Variants in IYD observed in about 807,000 individuals in gnomAD.
IYD encodes the protein iodotyrosine deiodinase 1.
IYD carries 25 observed loss-of-function variants against 28.4 expected under a neutral mutation model. The observed-to-expected ratio is 0.88, with a 90% CI of 0.64 to 1.23. The LOEUF is 1.23. Among genes scored for constraint, IYD ranks in the 50% most tolerant of loss-of-function variants. IYD has a pLI of 0.00. For missense variants in IYD, 352 were observed against 357.9 expected, an observed-to-expected ratio of 0.98 and a Z score of 0.13; for synonymous variants, 140 against 130.8, an observed-to-expected ratio of 1.07 and a Z score of -0.48.
chr6:150,381,049 T>G (rs984468649), intron 1 of IYD, among the ~76,000 whole-genome samples: 2 of 152,210 alleles, frequency 1.3e-5, no homozygotes, highest in African/African-American at 4.8e-5. Flanking sequence ...GGTGAGGGGA[T>G]GTGAGCAACA....
At chr6:150,388,836 G>A (rs1284713925) in intron 1 of IYD, among the ~76,000 whole-genome samples, 3 of 151,246 alleles carry the variant, frequency 2.0e-5, no homozygotes, top group African/African-American at 7.3e-5. Context: ...CAAGTAGTTG[G>A]GATTACAGGT....
At chr6:150,385,583 T>C (rs1311652129) in intron 1 of IYD, among the ~76,000 whole-genome samples, 1 of 151,892 alleles carries the variant, frequency 6.6e-6, no homozygotes, top group Non-Finnish European at 1.5e-5. Context: ...TTTTTATAAA[T>C]TGCTGAATTC....
In IYD at chr6:150,392,363, C is replaced by T. The variant is rs1298509413; in HGVS notation, c.389C>T (p.Ala130Val). The T allele has an allele frequency of 6.2e-7, 1 of 1,613,552 alleles. No individual in the cohort carries two copies. Among genetic ancestry groups the T allele is most frequent in the Admixed American group, 1.7e-5 (1 of 60,024 alleles). The part of the protein sequence containing the change: ...IRTAGTAPSG[A>V]HTEPWTFVVV... The stretch of plus-strand genomic sequence containing the variant: ...GTGACAGGAACAGCCCCGAGTGGGG[C>T]TCACACAGAGCCCTGGACCTTCGTG... Residue 130 changes from alanine (A) to valine (V), a missense_variant, in exon 3 of 5, where the codon GCT (alanine) becomes GTT (valine). Coordinates refer to ENST00000344419, the MANE Select transcript of IYD (RefSeq NM_203395.3).
At chr6:150,396,536 G>A (rs1778318798) in intron 4 of IYD, 3 of 675,148 alleles carry the variant, frequency 4.4e-6, no homozygotes, top group Non-Finnish European at 5.3e-6. Context: ...AAAGGACCAA[G>A]ATATAAAATG....
rs1778551345 is a variant in IYD at position 150,402,910 on chromosome 6, A to AGCTGGGGGTG, written c.*4673_*4674insGCTGGGGGTG. 1 of 90,770 alleles carries AGCTGGGGGTG rather than the reference A, an allele frequency of 1.1e-5. No homozygotes were observed. The highest frequency in any genetic ancestry group is 2.2e-5 in the Non-Finnish European group (1 of 45,106). 5.6% of individuals were successfully genotyped at this position (90,770 alleles called of 1,614,324 possible). A position where few individuals can be genotyped will look rare whatever the true frequency, so the allele number is the denominator to read the frequency against. On this transcript the variant is annotated 3_prime_UTR_variant, in exon 5 of 5. Coordinates refer to ENST00000344419, the MANE Select transcript of IYD (RefSeq NM_203395.3). ...CACCCCATTTTAAGCCAAATTTACAAACTTACAAAGATGATCCACCAATAG... is the reference window on the plus strand; with the variant it reads ...CACCCCATTTTAAGCCAAATTTACAAGCTGGGGGTGACTTACAAAGATGATCCACCAATAG...
chr6:150,378,279 T>C (rs11962449), intron 1 of IYD, among the ~76,000 whole-genome samples: 9,579 of 140,608 alleles, frequency 0.068, 770 homozygotes, highest in East Asian at 0.21. Context: ...GCTGCACCCA[T>C]TAACTCGTCA....
At chr6:150,397,855 AGAAG>A (rs1383951524) in intron 4 of IYD, among the ~76,000 whole-genome samples, 196 bp from the exon 5 acceptor site, 1 of 145,120 alleles carries the variant, frequency 6.9e-6, no homozygotes, top group African/African-American at 2.5e-5. Context: ...CTTGGTTAAA[AGAAG>A]GGAGGGGGTG....
intron 4 of IYD, chr6:150,395,801 A>T: frequency 1.6e-6 from 1 of 623,018 alleles, no homozygotes; most frequent in Non-Finnish European, 2.9e-6. Context: ...TGATTGGAAA[A>T]GCTGGAGAGG....
rs138289572 is a variant in IYD at position 150,397,437 on chromosome 6, G to A, written c.688-618G>A. ...ATACAAAATATAGCCAGGCATGGTG[G>A]TGCATGCCTATAGTCTCAGCTACTT... On this transcript the variant is annotated intron_variant, in intron 4 of 4. Transcript: ENST00000344419. Among the ~76,000 whole-genome samples the A allele has an allele frequency of 2.9e-3, 442 of 152,108 alleles. 2 individuals carry two copies. The highest frequency in any genetic ancestry group is 0.01 in the African/African-American group (419 of 41,496).
intron 1 of IYD, among the ~76,000 whole-genome samples, chr6:150,379,328 G>A (rs894544348): frequency 3.3e-5 from 5 of 152,168 alleles, no homozygotes; most frequent in African/African-American, 1.2e-4. Context: ...AGCCAGCATC[G>A]TCCCCCAGTC....
In IYD at chr6:150,398,406, A is replaced by G; in HGVS notation, c.*169A>G. 1 of 621,066 alleles carries G rather than the reference A, an allele frequency of 1.6e-6. No homozygotes were observed. The highest frequency in any genetic ancestry group is 2.9e-6 in the Non-Finnish European group (1 of 350,480). The allele number at this position is 621,066 out of a possible 1,614,324, so 38.5% of individuals were successfully genotyped here. On this transcript the variant is annotated 3_prime_UTR_variant, in exon 5 of 5. Coordinates refer to ENST00000344419, the MANE Select transcript of IYD (RefSeq NM_203395.3). ...AAGAAGCCTCTCCACACTCTGTGGC[A>G]CTTCCAGTCCCATAAATCCTGTTTC...
chr6:150,401,230 A>G lies in IYD; in HGVS notation c.*2993A>G, dbSNP rs766477298. ...CCTAAAAATGCCCTCTAAGTCCATC[A>G]TTAGGTTAAGCGATTTACTGAAGGT... On this transcript the variant is annotated 3_prime_UTR_variant, in exon 5 of 5. Coordinates refer to ENST00000344419, the MANE Select transcript of IYD (RefSeq NM_203395.3). 2 of 152,190 alleles carry G rather than the reference A, an allele frequency of 1.3e-5. No individual in the cohort carries two copies. Among genetic ancestry groups the G allele is most frequent in the African/African-American group, 2.4e-5 (1 of 41,448 alleles). The allele number at this position is 152,190 out of a possible 1,614,324, so 9.4% of individuals were successfully genotyped here.
intron 4 of IYD, chr6:150,396,411 C>A: frequency 1.5e-6 from 1 of 655,064 alleles, no homozygotes; most frequent in South Asian, 1.7e-5. Flanking sequence ...TAATAGAAGT[C>A]AACTTAACAT....
intron 4 of IYD, chr6:150,395,809 A>G (rs1260017790): frequency 4.9e-6 from 3 of 617,654 alleles, no homozygotes; most frequent in Non-Finnish European, 8.7e-6. Flanking sequence ...AAAGCTGGAG[A>G]GGGGCAGGCG....
In IYD at chr6:150,369,126, G is replaced by C. The variant is rs1777127561; in HGVS notation, c.95G>C (p.Gly32Ala). ...NADRSMEKKK[G>A]EPRTRAEARP... ...GACAGAAGCATGGAGAAAAAGAAGG[G>C]GGAGCCTAGAACCAGGGCCGAAGCT... is the stretch of plus-strand genomic sequence containing the variant. Residue 32 changes from glycine to alanine, a missense_variant, in exon 1 of 5, where the codon GGG becomes GCG. Physicochemically the swap from Gly to Ala is moderately conservative, Grantham distance 60. Transcript: ENST00000344419. 2 of 1,613,960 alleles carry C rather than the reference G, an allele frequency of 1.2e-6. No individual in the cohort carries two copies. The highest frequency in any genetic ancestry group is 1.7e-5 in the Admixed American group (1 of 60,006).
chr6:150,370,283 G>A (rs1160189412), intron 1 of IYD, among the ~76,000 whole-genome samples: 1 of 146,428 alleles, frequency 6.8e-6, no homozygotes, highest in Admixed American at 6.7e-5. Context: ...GTTCATTAAT[G>A]TGCATGTGTG....
At chr6:150,394,362 C>T in intron 4 of IYD, 107 bp downstream of exon 4, 2 of 1,190,132 alleles carry the variant, frequency 1.7e-6, no homozygotes, top group African/African-American at 1.5e-5. Flanking sequence ...AGTAGAATTC[C>T]TAAGTGAGGT....
chr6:150,371,043 A>G (rs954804545), intron 1 of IYD, among the ~76,000 whole-genome samples: 16 of 152,188 alleles, frequency 1.1e-4, no homozygotes, highest in African/African-American at 3.6e-4. Flanking sequence ...CAAAGTGGGC[A>G]TTGCTAGAGA....
rs887612318 is a variant in IYD, at chr6:150,397,922, C to A, written c.688-133C>A. On this transcript the variant is annotated intron_variant, in intron 4 of 4. Coordinates refer to ENST00000344419, the MANE Select transcript of IYD (RefSeq NM_203395.3). ...ACGATGCCATTACTTGAGCTGGCAGCCTCTTTGCTGCCCAACTTCAGGGAA... is the reference window on the plus strand; with the variant it reads ...ACGATGCCATTACTTGAGCTGGCAGACTCTTTGCTGCCCAACTTCAGGGAA... 9 of 871,934 alleles carry A rather than the reference C, an allele frequency of 1.0e-5. No homozygotes were observed. In the African/African-American group the frequency reaches 1.5e-4, roughly 14 times the overall value. The allele number at this position is 871,934 out of a possible 1,614,324, so 54.0% of individuals were successfully genotyped here.
Sources: gnomAD v4.1 joint callset for allele counts (sites outside exome capture counted in the v4.1 genomes callset) on GRCh38, gnomAD v4.1.1 for gene constraint, MANE v1.5 for transcripts, NCBI Gene and HGNC (gene_info 2026-07-23, HGNC 2026-07-21) for gene names.